HDAC9: variants seen among roughly 807,000 people sequenced by gnomAD.
HDAC9 encodes histone deacetylase 9, also known as MEF-2 interacting transcription repressor (MITR) protein.
In HDAC9, 41 loss-of-function variants were observed where a neutral mutation model predicts 139.4. The observed-to-expected ratio is 0.29, with a 90% CI of 0.23 to 0.38. HDAC9 has a LOEUF of 0.38. Among genes scored for constraint, HDAC9 ranks in the 10% least tolerant of loss-of-function variants. The pLI is 1.00. For synonymous variants in HDAC9, 517 were observed against 476.2 expected, an observed-to-expected ratio of 1.09 and a Z score of -1.12; for missense variants, 1,147 against 1,297.0, an observed-to-expected ratio of 0.88 and a Z score of 1.78.
At chr7:18,300,188 CA>C (rs1161790689) in intron 1 of HDAC9, among the ~76,000 whole-genome samples, 1 of 151,464 alleles carries the variant, frequency 6.6e-6, no homozygotes, top group Non-Finnish European at 1.5e-5. Flanking sequence ...GATTTTTTTG[CA>C]AATTTTTTTT....
At chr7:18,791,670 T>C (rs547665013) in intron 16 of HDAC9, among the ~76,000 whole-genome samples, 20 of 152,298 alleles carry the variant, frequency 1.3e-4, no homozygotes, top group African/African-American at 4.8e-4. Context: ...AGGAGGGTGA[T>C]GGAAAGGCAT....
At chr7:18,992,341 A>G (rs1025494614) in intron 25 of HDAC9, among the ~76,000 whole-genome samples, 18 of 152,236 alleles carry the variant, frequency 1.2e-4, no homozygotes, top group Admixed American at 2.6e-4. Context: ...AAACTAGATA[A>G]ATATAAGTGC....
chr7:18,682,975 T>C (rs1490967494), intron 12 of HDAC9, among the ~76,000 whole-genome samples: 1 of 151,930 alleles, frequency 6.6e-6, no homozygotes, highest in Admixed American at 6.6e-5. Flanking sequence ...AGGGAGACTC[T>C]GCCTCAACAA....
At chr7:18,715,118 G>C (rs1339741399) in intron 12 of HDAC9, among the ~76,000 whole-genome samples, 1 of 151,996 alleles carries the variant, frequency 6.6e-6, no homozygotes, top group African/African-American at 2.4e-5. Context: ...TGGTTGTTGA[G>C]ACAACCACAG....
At chr7:18,754,933 G>A (rs1269684034) in intron 14 of HDAC9, among the ~76,000 whole-genome samples, 1 of 152,130 alleles carries the variant, frequency 6.6e-6, no homozygotes, top group Non-Finnish European at 1.5e-5. Flanking sequence ...AGACTGCAAA[G>A]CGCTGAAAAC....
At chr7:18,256,073 T>A (rs201926172) in intron 2 of HDAC9, among the ~76,000 whole-genome samples, 2 of 57,916 alleles carry the variant, frequency 3.5e-5, no homozygotes, top group East Asian at 7.6e-4. Flanking sequence ...TCTAGGACTT[T>A]TCTTCTCTCA....
chr7:18,436,157 C>T (rs887855686), intron 1 of HDAC9, among the ~76,000 whole-genome samples: 3 of 151,794 alleles, frequency 2.0e-5, no homozygotes, highest in Non-Finnish European at 4.4e-5. Context: ...TGTGTATTTT[C>T]TTTTAATATG....
chr7:18,174,697 A>G (rs80141238), intron 2 of HDAC9, among the ~76,000 whole-genome samples: 4 of 152,200 alleles, frequency 2.6e-5, no homozygotes, highest in African/African-American at 4.8e-5. Context: ...TTTTCCTTCT[A>G]ACAATCAGGA....
At chr7:18,897,722 A>G (rs929255292) in intron 22 of HDAC9, among the ~76,000 whole-genome samples, 18 of 151,676 alleles carry the variant, frequency 1.2e-4, no homozygotes, top group Non-Finnish European at 2.4e-4. Context: ...GCTACTCATT[A>G]TATGTGTAGA....
intron 1 of HDAC9, among the ~76,000 whole-genome samples, chr7:18,386,692 G>T (rs1785962939): frequency 6.6e-6 from 1 of 152,140 alleles, no homozygotes; most frequent in African/African-American, 2.4e-5. Context: ...AACTCATCAC[G>T]ATTAAACCAT....
intron 16 of HDAC9, among the ~76,000 whole-genome samples, chr7:18,781,362 G>T (rs1791234975): frequency 6.6e-6 from 1 of 151,904 alleles, no homozygotes; most frequent in Admixed American, 6.6e-5. Context: ...TATAACTTTG[G>T]TCAAGTTACT....
chr7:18,409,768 G>A (rs1562960727), intron 1 of HDAC9, among the ~76,000 whole-genome samples: 2 of 152,148 alleles, frequency 1.3e-5, no homozygotes. Flanking sequence ...TAAGGGGATT[G>A]TAGTTCTTTG....
chr7:18,634,676 C>T lies in HDAC9; in HGVS notation c.846C>T (p.Asn282=), dbSNP rs1584407758. 1 of 1,597,462 alleles carries T rather than the reference C, an allele frequency of 6.3e-7. No individual in the cohort carries two copies. The highest frequency in any genetic ancestry group is 8.5e-7 in the Non-Finnish European group (1 of 1,171,144). The change falls in exon 8 of 26, where the codon AAC becomes AAT. Residue 282 remains asparagine, a synonymous_variant. Transcript: ENST00000686413. ...SSPGSGPSSP[N]NGPTGSVTEN... ...CAGGCTCTGGTCCCAGTTCACCAAA[C>T]AATGGGCCAACTGGAAGTGTTACTG...
chr7:18,939,691 T>G (rs1479934495), intron 23 of HDAC9, among the ~76,000 whole-genome samples: 4 of 152,194 alleles, frequency 2.6e-5, no homozygotes, highest in Non-Finnish European at 5.9e-5. Context: ...CACAGTAGTT[T>G]TATATGGTAA....
intron 12 of HDAC9, among the ~76,000 whole-genome samples, chr7:18,702,246 C>T (rs1001529291): frequency 6.6e-6 from 1 of 152,120 alleles, no homozygotes; most frequent in Non-Finnish European, 1.5e-5. Context: ...GCTATATTTC[C>T]GTGCTTACTG....
At chr7:18,824,747 C>T (rs980814939) in intron 17 of HDAC9, among the ~76,000 whole-genome samples, 5 of 152,180 alleles carry the variant, frequency 3.3e-5, no homozygotes, top group African/African-American at 1.2e-4. Context: ...CTCTCTGCCA[C>T]CCTCATGTGC....
At chr7:18,879,902 A>G (rs971257511) in intron 22 of HDAC9, among the ~76,000 whole-genome samples, 1 of 152,178 alleles carries the variant, frequency 6.6e-6, no homozygotes, top group Non-Finnish European at 1.5e-5. Context: ...AAATTTTTGC[A>G]AACTATGCAT....
intron 16 of HDAC9, among the ~76,000 whole-genome samples, chr7:18,791,641 A>G (rs1240600162): frequency 6.6e-6 from 1 of 152,192 alleles, no homozygotes; most frequent in Non-Finnish European, 1.5e-5. Context: ...GCTGGCTCCT[A>G]GAAAGCACGG....
intron 13 of HDAC9, among the ~76,000 whole-genome samples, chr7:18,747,957 C>G (rs1206705141): frequency 6.6e-6 from 1 of 152,104 alleles, no homozygotes; most frequent in Admixed American, 6.6e-5. Flanking sequence ...TTATCTATTC[C>G]TGAAGATTTT....
Sources: gnomAD v4.1 joint callset for allele counts (sites outside exome capture counted in the v4.1 genomes callset) on GRCh38, gnomAD v4.1.1 for gene constraint, MANE v1.5 for transcripts, NCBI Gene and HGNC (gene_info 2026-07-23, HGNC 2026-07-21) for gene names.